Variants in USP20 observed in about 807,000 individuals in gnomAD.
The protein encoded by USP20 is ubiquitin specific peptidase 20.
USP20 carries 80 observed loss-of-function variants against 124.2 expected under a neutral mutation model. The ratio of observed to expected loss-of-function variants is 0.64; its 90% CI spans 0.54 to 0.78. The LOEUF is 0.78. USP20 is among the 30% of genes least tolerant of loss of function. USP20 has a pLI of 0.00. For missense variants in USP20, 1,043 were observed against 1,244.4 expected, an observed-to-expected ratio of 0.84 and a Z score of 2.44; for synonymous variants, 481 against 512.3, an observed-to-expected ratio of 0.94 and a Z score of 0.83.
chr9:129,839,273 G>T lies in USP20; in HGVS notation c.-129+3774G>T, dbSNP rs889477268. On this transcript the variant is annotated intron_variant, in intron 1 of 25. Transcript: ENST00000372429. This position sits in a 1 kb window ranked among gnomAD's most constrained non-coding sequence, Gnocchi z 4.5. ...GTTTGGAACCTTGCCACCTCCCAGG[G>T]TGGTTGTGAGGGTCCAGTGAGGTCA... Among the ~76,000 whole-genome samples the T allele has an allele frequency of 1.3e-5, 2 of 152,318 alleles. No individual in the cohort carries two copies. The highest frequency in any genetic ancestry group is 4.1e-4 in the South Asian group (2 of 4,828).
chr9:129,876,891 C>T (rs2034433406), intron 22 of USP20, among the ~76,000 whole-genome samples: 1 of 152,074 alleles, frequency 6.6e-6, no homozygotes, highest in African/African-American at 2.4e-5. Context: ...CATTCTTGGC[C>T]TCTACCCACT....
At position 129,857,778 on chromosome 9, in the gene USP20, G is replaced by T. The variant is rs538132834; in HGVS notation, c.136-272G>T. Reference sequence around the variant, plus strand: ...GCAGCCAGGCCCCAGCTGGGACCCCGCCTGGGCTTCTTGCTGGAGAGCAGC... The same window carrying T: ...GCAGCCAGGCCCCAGCTGGGACCCCTCCTGGGCTTCTTGCTGGAGAGCAGC... On this transcript the variant is annotated intron_variant, in intron 4 of 25. Coordinates refer to ENST00000372429, the MANE Select transcript of USP20 (RefSeq NM_001110303.4). Among the ~76,000 whole-genome samples the T allele has an allele frequency of 3.9e-5, 6 of 152,310 alleles. No homozygotes were observed. In the South Asian group the frequency reaches 1.0e-3, roughly 26 times the overall value.
Position 129,867,816 on chromosome 9 carries a change from T to G in USP20, c.691-189T>G, listed in dbSNP as rs182599641. 2.7e-4 allele frequency among the ~76,000 whole-genome samples: 41 copies of G among 152,258 alleles called. 1 individual carries two copies. In the East Asian group the frequency reaches 7.9e-3, roughly 29 times the overall value. ...CCTTTAGCCTCTCCAGTCCTCACTG[T>G]TATCCTCAGAAGAATGGGGTTAGGA... On this transcript the variant is annotated intron_variant, in intron 10 of 25. Coordinates refer to ENST00000372429, the MANE Select transcript of USP20 (RefSeq NM_001110303.4).
At chr9:129,878,995 G>A (rs1016904119) in intron 23 of USP20, among the ~76,000 whole-genome samples, 1 of 152,248 alleles carries the variant, frequency 6.6e-6, no homozygotes, top group Non-Finnish European at 1.5e-5. Flanking sequence ...CCTTGGTGTG[G>A]AGCATGAGCA....
chr9:129,836,919 T>C (rs982627116), intron 1 of USP20, among the ~76,000 whole-genome samples: 1 of 152,154 alleles, frequency 6.6e-6, no homozygotes, highest in African/African-American at 2.4e-5. Context: ...GAGGTGGCTC[T>C]GAATCTGCCC....
At chr9:129,868,794 A>G (rs1450414559) in intron 11 of USP20, 68 bp from the exon 12 acceptor site, 9 of 1,500,160 alleles carry the variant, frequency 6.0e-6, no homozygotes, top group Non-Finnish European at 7.1e-6. Flanking sequence ...CTGGCAGGTC[A>G]TCTTCCTGCC....
At chr9:129,870,297 T>G in intron 14 of USP20, 156 bp from the exon 15 acceptor site, 1 of 690,692 alleles carries the variant, frequency 1.4e-6, no homozygotes, top group Non-Finnish European at 2.5e-6. Flanking sequence ...CGTGTCTGGC[T>G]CCAGGCCTCT....
intron 8 of USP20, among the ~76,000 whole-genome samples, chr9:129,862,937 G>A (rs1241372503): frequency 6.7e-5 from 6 of 89,526 alleles, no homozygotes; most frequent in East Asian, 3.2e-4. Flanking sequence ...AAAAAATAAG[G>A]TAAGATAGAT....
rs759317393 is a variant in USP20 at position 129,875,284 on chromosome 9, C to T, written c.2049-26C>T. The T allele has an allele frequency of 3.2e-5, 51 of 1,579,804 alleles. No homozygotes were observed. The East Asian group carries it at 1.0e-3, about 32-fold the overall frequency. ...TGAAGGTGGCAGCCGTCAGGCACAG[C>T]TTCTCGCCCCCTCCTCACCCCACAG... On this transcript the variant is annotated intron_variant, in intron 19 of 25. Transcript: ENST00000372429.
At chr9:129,874,514 C>T (rs2034286628) in intron 17 of USP20, 62 bp from the exon 18 acceptor site, 2 of 1,591,550 alleles carry the variant, frequency 1.3e-6, no homozygotes, top group Admixed American at 3.4e-5. Context: ...GGCCCGTGGG[C>T]AAGGCTGCGA....
chr9:129,874,848 C>G lies in USP20; in HGVS notation c.1941C>G (p.Tyr647Ter), dbSNP rs374529076. ...GTAGSGHYIA[Y>*]CQNVINGQWY... is the part of the protein sequence containing the mutation. ...CCGCAGGTGGGCACTACATCGCCTA[C>G]TGCCAGAACGTGATCAATGGGCAGT... Residue 647 changes from tyrosine to a stop codon, truncating the protein, a stop_gained, in exon 19 of 26, where the codon TAC (tyrosine) becomes TAG (stop). Coordinates refer to ENST00000372429, the MANE Select transcript of USP20 (RefSeq NM_001110303.4). LOFTEE classifies it high-confidence loss of function. 1.2e-6 allele frequency: 2 copies of G among 1,614,162 alleles called. No homozygotes were observed. Among genetic ancestry groups the G allele is most frequent in the Non-Finnish European group, 1.7e-6 (2 of 1,180,046 alleles).
chr9:129,873,717 G>T lies in USP20; in HGVS notation c.1713G>T (p.Lys571Asn). Residue 571 changes from lysine (K) to asparagine (N), a missense_variant, in exon 17 of 26, where the codon AAG becomes AAT. By Grantham distance (94) the Lys-to-Asn change is moderately conservative. Coordinates refer to ENST00000372429, the MANE Select transcript of USP20 (RefSeq NM_001110303.4). The stretch of plus-strand genomic sequence containing the variant: ...TCCCCAGGCTGCGGAACGGAGTGAA[G>T]TACTGCAAAGTCCTGCGGTTGCCCG... ...ERCKKLRNGV[K>N]YCKVLRLPEI... is the part of the protein sequence containing the mutation. 6.2e-7 allele frequency: 1 copy of T among 1,613,140 alleles called. No individual in the cohort carries two copies.
chr9:129,846,907 A>G (rs921268045), intron 1 of USP20, among the ~76,000 whole-genome samples: 2 of 152,132 alleles, frequency 1.3e-5, no homozygotes, highest in African/African-American at 4.8e-5. Context: ...GATTACAGGC[A>G]TGAACCACCA....
At chr9:129,871,334 CGTG>C (rs1210342512) in intron 15 of USP20, among the ~76,000 whole-genome samples, 2 of 152,036 alleles carry the variant, frequency 1.3e-5, no homozygotes, top group African/African-American at 4.8e-5. Flanking sequence ...CACGTTGCAG[CGTG>C]TGTGTCGGAA....
intron 2 of USP20, 87 bp from the exon 3 acceptor site, chr9:129,852,453 C>T: frequency 1.6e-6 from 2 of 1,229,800 alleles, no homozygotes; most frequent in South Asian, 1.4e-5. Flanking sequence ...GGACTCAAGG[C>T]CAAAGTCATG....
chr9:129,878,122 G>A (rs1475968752), intron 22 of USP20, among the ~76,000 whole-genome samples: 1 of 152,220 alleles, frequency 6.6e-6, no homozygotes, highest in African/African-American at 2.4e-5. Context: ...AGTTATTGAA[G>A]AGACCCACAA....
chr9:129,874,895 A>G lies in USP20; in HGVS notation c.1988A>G (p.Tyr663Cys), dbSNP rs755806281. 2.9e-5 allele frequency: 46 copies of G among 1,613,990 alleles called. No homozygotes were observed. In the South Asian group the frequency reaches 5.0e-4, roughly 18 times the overall value. ...CAGTGGTACGAGTTTGATGACCAGT[A>G]CGTCACAGAAGTCCACGAGACGGTG... Reference protein sequence around the residue: ...NGQWYEFDDQYVTEVHETVVQ... With the variant: ...NGQWYEFDDQCVTEVHETVVQ... The change falls in exon 19 of 26, where the codon TAC becomes TGC. Residue 663 changes from tyrosine (Y) to cysteine (C), a missense_variant. By Grantham distance (194) the Tyr-to-Cys change is radical. Coordinates refer to ENST00000372429, the MANE Select transcript of USP20 (RefSeq NM_001110303.4).
intron 3 of USP20, among the ~76,000 whole-genome samples, chr9:129,853,226 T>G (rs2033028094): frequency 7.2e-6 from 1 of 139,312 alleles, no homozygotes; most frequent in Non-Finnish European, 1.5e-5. Flanking sequence ...GCAGATAAAC[T>G]CATTTTAAGT....
rs1266181090 is a variant in USP20 at position 129,874,950 on chromosome 9, C to T, written c.2043C>T (p.Phe681=). 5 of 1,613,622 alleles carry T rather than the reference C, an allele frequency of 3.1e-6. No homozygotes were observed. In the South Asian group the frequency reaches 4.4e-5, roughly 14 times the overall value. ...VVQNAEGYVL[F]YRKSSEEAMR... ...AGAACGCCGAGGGCTACGTACTCTT[C>T]TACAGGTGGGCGCTGGGCCAGGCCT... The change falls in exon 19 of 26, where the codon TTC becomes TTT. Residue 681 remains phenylalanine, a synonymous_variant. Coordinates refer to ENST00000372429, the MANE Select transcript of USP20 (RefSeq NM_001110303.4).
Sources: allele counts gnomAD v4.1 joint callset (sites outside exome capture counted in the v4.1 genomes callset), GRCh38; gene constraint gnomAD v4.1.1; non-coding constraint Gnocchi (gnomAD v3.1); transcripts MANE v1.5; gene names NCBI Gene and HGNC (gene_info 2026-07-23, HGNC 2026-07-21).